The following KLKB1 variants were observed in gnomAD, a reference collection of about 807,000 sequenced individuals.
KLKB1 encodes the protein plasma kallikrein.
Under a neutral mutation model 73.6 loss-of-function variants are expected in KLKB1, and 58 were observed. That is an observed-to-expected ratio of 0.79 (90% CI 0.64 to 0.98). The LOEUF (loss-of-function observed/expected upper bound fraction) is 0.98. Among genes scored for constraint, KLKB1 ranks in the 50% least tolerant of loss-of-function variants. KLKB1 has a pLI of 0.00. For missense variants in KLKB1, 737 were observed against 763.8 expected, an observed-to-expected ratio of 0.96 and a Z score of 0.41; for synonymous variants, 280 against 258.1, an observed-to-expected ratio of 1.08 and a Z score of -0.81.
chr4:186,251,718 G>C, intron 9 of KLKB1, 31 bp from the exon 10 acceptor site: 1 of 1,605,566 alleles, frequency 6.2e-7, no homozygotes, highest in Non-Finnish European at 8.5e-7. Context: ...CCCTGTGAAG[G>C]CTTACTCTTT....
chr4:186,251,231 T>C lies in KLKB1; in HGVS notation c.771T>C (p.Leu257=). The C allele has an allele frequency of 6.2e-7, 1 of 1,601,006 alleles. No individual in the cohort carries two copies. The highest frequency in any genetic ancestry group is 1.1e-5 in the South Asian group (1 of 90,454). ...TTAAAAAAAATAGAAATGTTTGTCT[T>C]CTTAAAACATCTGAAAGTGGCACAC... ...WKIESQRNVC[L]LKTSESGTPS... The change falls in exon 8 of 15, where the codon CTT becomes CTC. Residue 257 remains leucine (L), a synonymous_variant. Transcript: ENST00000264690.
In KLKB1 at chr4:186,258,442, T is replaced by C; in HGVS notation, c.*230T>C. The C allele has an allele frequency of 1.7e-6, 1 of 580,448 alleles. No homozygotes were observed. The highest frequency in any genetic ancestry group is 2.9e-5 in the East Asian group (1 of 33,960). The allele number at this position is 580,448 out of a possible 1,614,324, so 36.0% of individuals were successfully genotyped here. On this transcript the variant is annotated 3_prime_UTR_variant, in exon 15 of 15. Coordinates refer to ENST00000264690, the MANE Select transcript of KLKB1 (RefSeq NM_000892.5). ...GTCGCAACTGAGATCTCCATGACTG[T>C]GTGTTGTGAAATAAAATGGTGAAAG...
chr4:186,215,404 CCTTGCTTTCTCT>C (rs11267771), intron 2 of KLKB1, among the ~76,000 whole-genome samples: 115,809 of 142,126 alleles, frequency 0.81, 48,084 homozygotes, highest in East Asian at 0.93. Context: ...TTCTTTCTTT[CCTTGCTTTCTCT>C]CTTGCTTTCT....
chr4:186,213,864 T>G (rs115422262), intron 2 of KLKB1, among the ~76,000 whole-genome samples: 1,780 of 152,246 alleles, frequency 0.012, 28 homozygotes, highest in African/African-American at 0.04. Flanking sequence ...ATTTAAAAAT[T>G]TTTAGTCTGC....
rs148974369 is a variant in KLKB1 at position 186,252,168 on chromosome 4, T to C, written c.1296T>C (p.Ala432=). The C allele has an allele frequency of 2.9e-4, 470 of 1,613,846 alleles. 2 individuals carry two copies. The African/African-American group carries it at 5.4e-3, about 19-fold the overall frequency. The change falls in exon 11 of 15, where the codon GCT becomes GCC. Residue 432 remains alanine (A), a synonymous_variant. Transcript: ENST00000264690. The stretch of plus-strand genomic sequence containing the variant: ...TAGGACACCAGTGGGTCCTCACTGC[T>C]GCCCACTGCTTTGATGGGTAAGTGT... ...SLIGHQWVLT[A]AHCFDGLPLQ...
chr4:186,244,286 C>T (rs1173620464), intron 6 of KLKB1, among the ~76,000 whole-genome samples: 10 of 151,908 alleles, frequency 6.6e-5, no homozygotes, highest in Non-Finnish European at 1.3e-4. Flanking sequence ...ACTTAGTATC[C>T]AAAGGCGGAA....
chr4:186,252,759 C>G (rs1055652489), intron 11 of KLKB1, among the ~76,000 whole-genome samples: 10 of 152,158 alleles, frequency 6.6e-5, no homozygotes, highest in Non-Finnish European at 1.3e-4. Flanking sequence ...CCAATCCCAC[C>G]ACCAATCCCT....
chr4:186,241,618 A>T (rs1426054880), intron 6 of KLKB1, among the ~76,000 whole-genome samples: 1 of 152,216 alleles, frequency 6.6e-6, no homozygotes, highest in Non-Finnish European at 1.5e-5. Context: ...CTACCATGTG[A>T]CTTATTAATT....
At chr4:186,247,831 A>G (rs1738435917) in intron 6 of KLKB1, among the ~76,000 whole-genome samples, 1 of 152,204 alleles carries the variant, frequency 6.6e-6, no homozygotes, top group Non-Finnish European at 1.5e-5. Flanking sequence ...TTTGATATCT[A>G]ATTTAGATAA....
intron 13 of KLKB1, 146 bp downstream of exon 13, chr4:186,256,233 T>C (rs151321840): frequency 0.016 from 11,158 of 688,890 alleles, 158 homozygotes; most frequent in Non-Finnish European, 0.018. Flanking sequence ...ATTTATTCAG[T>C]TATTCTTAAA....
chr4:186,254,884 G>A (rs1032274115), intron 12 of KLKB1, 121 bp downstream of exon 12: 61 of 816,074 alleles, frequency 7.5e-5, no homozygotes, highest in Non-Finnish European at 1.1e-4. Context: ...TGGAGTTGAG[G>A]GAAACGTGAG....
intron 2 of KLKB1, among the ~76,000 whole-genome samples, chr4:186,218,876 G>A (rs1455978446): frequency 2.0e-5 from 3 of 152,158 alleles, no homozygotes; most frequent in African/African-American, 7.2e-5. Flanking sequence ...AGGCTGAGGA[G>A]CAAGGAAGCC....
In KLKB1 at chr4:186,258,362, A is replaced by G; in HGVS notation, c.*150A>G. 1.3e-6 allele frequency: 1 copy of G among 773,820 alleles called. No individual in the cohort carries two copies. Among genetic ancestry groups the G allele is most frequent in the Non-Finnish European group, 2.2e-6 (1 of 448,976 alleles). 47.9% of individuals were successfully genotyped at this position (773,820 alleles called of 1,614,324 possible). On this transcript the variant is annotated 3_prime_UTR_variant, in exon 15 of 15. Transcript: ENST00000264690. ...AGTGCACTCAGAGCTGCTGAGGACA[A>G]TGTCTGGCTGAAGCCCGCTTTCAGC...
intron 2 of KLKB1, among the ~76,000 whole-genome samples, chr4:186,219,288 C>G: frequency 6.6e-6 from 1 of 152,106 alleles, no homozygotes; most frequent in East Asian, 1.9e-4. Context: ...TTAACCATCA[C>G]AAGTCCACCC....
intron 3 of KLKB1, 116 bp downstream of exon 3, chr4:186,232,405 T>G: frequency 2.1e-6 from 2 of 943,076 alleles, no homozygotes; most frequent in Non-Finnish European, 3.4e-6. Flanking sequence ...AGGACCAGCT[T>G]CAGCAAAATC....
At chr4:186,240,766 G>C (rs907505794) in intron 6 of KLKB1, among the ~76,000 whole-genome samples, 1 of 152,142 alleles carries the variant, frequency 6.6e-6, no homozygotes, top group African/African-American at 2.4e-5. Flanking sequence ...CCAGGTTCAC[G>C]TGTACTGGTG....
At chr4:186,226,646 C>T (rs998804618), upstream of KLKB1, among the ~76,000 whole-genome samples, 1 of 152,186 alleles carries the variant, frequency 6.6e-6, no homozygotes, top group Non-Finnish European at 1.5e-5. Context: ...GATCACCTGG[C>T]ACCTGAGTTC....
chr4:186,226,325 C>T (rs1285782220), upstream of KLKB1: 1 of 152,058 alleles, frequency 6.6e-6, no homozygotes, highest in East Asian at 1.9e-4. Flanking sequence ...TTCTTGTTTC[C>T]CCGATTATTT....
chr4:186,253,637 T>G (rs1159198192), intron 11 of KLKB1, among the ~76,000 whole-genome samples: 2 of 79,452 alleles, frequency 2.5e-5, no homozygotes, highest in African/African-American at 8.8e-5. Context: ...ACCTGATATC[T>G]CCATCATTTT....
Sources: gnomAD v4.1 joint callset for allele counts (sites outside exome capture counted in the v4.1 genomes callset) on GRCh38, gnomAD v4.1.1 for gene constraint, MANE v1.5 for transcripts, NCBI Gene and HGNC (gene_info 2026-07-23, HGNC 2026-07-21) for gene names.